Variants in CTNNA2 observed in about 807,000 individuals in gnomAD.
CTNNA2 encodes the protein catenin alpha-2.
CTNNA2 carries 42 observed loss-of-function variants against 101.0 expected under a neutral mutation model. The observed-to-expected ratio is 0.42, with a 90% confidence interval of 0.32 to 0.54. CTNNA2 has a LOEUF of 0.54. Ranked by LOEUF, CTNNA2 falls within the 20% of genes least tolerant of loss-of-function variation. The pLI is 0.14. For synonymous variants in CTNNA2, 450 were observed against 456.4 expected, an observed-to-expected ratio of 0.99 and a Z score of 0.18; for missense variants, 871 against 1,223.1, an observed-to-expected ratio of 0.71 and a Z score of 4.29.
chr2:80,218,336 T>C (rs1708389505), intron 7 of CTNNA2, among the ~76,000 whole-genome samples: 1 of 152,216 alleles, frequency 6.6e-6, no homozygotes, highest in Non-Finnish European at 1.5e-5. Context: ...AGGTGACAGC[T>C]CTTACAGTAC....
intron 9 of CTNNA2, among the ~76,000 whole-genome samples, chr2:80,438,370 A>T (rs1682232431): frequency 6.6e-6 from 1 of 151,842 alleles, no homozygotes; most frequent in African/African-American, 2.4e-5. Flanking sequence ...GGGAGAACAC[A>T]ATTTCACCCA....
rs907103589 is a variant in CTNNA2 at position 79,340,939 on chromosome 2, A to G, written c.-318+28143A>G. Among the ~76,000 whole-genome samples, 6 of 151,718 alleles carry G rather than the reference A, an allele frequency of 4.0e-5. No homozygotes were observed. The East Asian group carries it at 1.2e-3, about 29-fold the overall frequency. On this transcript the variant is annotated intron_variant, in intron 3 of 21. Coordinates refer to the CTNNA2 transcript ENST00000466387. ...TTCTTGATAGTAAAAAAGAAAAATC[A>G]CAATTGCTTAAACATTCAAGAAATA...
At chr2:80,562,311 G>A (rs1693679190) in intron 12 of CTNNA2, among the ~76,000 whole-genome samples, 1 of 152,088 alleles carries the variant, frequency 6.6e-6, no homozygotes, top group Non-Finnish European at 1.5e-5. Flanking sequence ...CAGAAAATAC[G>A]ACCATAACCA....
intron 9 of CTNNA2, among the ~76,000 whole-genome samples, chr2:80,534,378 T>G (rs1397572462): frequency 6.6e-6 from 1 of 152,176 alleles, no homozygotes; most frequent in Non-Finnish European, 1.5e-5. Flanking sequence ...ACAGAAAAGT[T>G]ATACTTCCTC....
chr2:79,373,330 A>T (rs1677914441), intron 3 of CTNNA2, among the ~76,000 whole-genome samples: 1 of 152,212 alleles, frequency 6.6e-6, no homozygotes, highest in African/African-American at 2.4e-5. Context: ...ATGAATAAGT[A>T]AAATATTTTT....
intron 7 of CTNNA2, among the ~76,000 whole-genome samples, chr2:80,003,204 T>G (rs1388905360): frequency 6.6e-6 from 1 of 152,190 alleles, no homozygotes; most frequent in African/African-American, 2.4e-5. Context: ...TGAGGTTTCC[T>G]CTAACCTCTC....
chr2:79,967,610 A>T (rs1330214215), intron 7 of CTNNA2, among the ~76,000 whole-genome samples: 1 of 152,208 alleles, frequency 6.6e-6, no homozygotes, highest in Non-Finnish European at 1.5e-5. Context: ...GATCAACAAG[A>T]TGAGCTAATT....
At chr2:79,493,430 A>C (rs1282101953) in intron 4 of CTNNA2, among the ~76,000 whole-genome samples, 1 of 152,188 alleles carries the variant, frequency 6.6e-6, no homozygotes, top group Non-Finnish European at 1.5e-5. Flanking sequence ...AGCCTGGCCA[A>C]TATGGTGAAA....
At chr2:80,561,478 G>A (rs992611487) in intron 12 of CTNNA2, among the ~76,000 whole-genome samples, 4 of 152,136 alleles carry the variant, frequency 2.6e-5, no homozygotes, top group East Asian at 1.9e-4. Flanking sequence ...GAAAACAAAC[G>A]TTACTTTGCA....
intron 4 of CTNNA2, among the ~76,000 whole-genome samples, chr2:79,410,965 C>G (rs999767775): frequency 6.6e-6 from 1 of 152,080 alleles, no homozygotes; most frequent in Non-Finnish European, 1.5e-5. Flanking sequence ...TTGATTATTG[C>G]CACAATTTCA....
At chr2:79,250,271 G>C (rs1674753705) in intron 2 of CTNNA2, among the ~76,000 whole-genome samples, 1 of 151,772 alleles carries the variant, frequency 6.6e-6, no homozygotes, top group Admixed American at 6.6e-5. Context: ...TAGGTCTACA[G>C]AAACCCTCAA....
At chr2:79,401,682 T>C (rs937431680) in intron 4 of CTNNA2, among the ~76,000 whole-genome samples, 17 of 150,784 alleles carry the variant, frequency 1.1e-4, no homozygotes, top group Non-Finnish European at 2.1e-4. Context: ...CCAGTAATGA[T>C]AAAATCGAAA....
chr2:80,334,286 G>A (rs951830382), intron 7 of CTNNA2, among the ~76,000 whole-genome samples: 1 of 152,082 alleles, frequency 6.6e-6, no homozygotes, highest in East Asian at 1.9e-4. Flanking sequence ...TGTGTATGAT[G>A]AGTCTCACTT....
intron 2 of CTNNA2, among the ~76,000 whole-genome samples, chr2:79,218,491 T>G (rs191981605): frequency 3.1e-4 from 47 of 152,222 alleles, no homozygotes; most frequent in Middle Eastern, 3.4e-3. Context: ...CTTCCTTCAT[T>G]TCTGTAAGTG....
intron 7 of CTNNA2, among the ~76,000 whole-genome samples, chr2:80,389,860 C>A (rs181201918): frequency 1.0e-3 from 159 of 152,172 alleles, no homozygotes; most frequent in South Asian, 4.4e-3. Flanking sequence ...TTGTTTTCAG[C>A]CAAAGACTTT....
intron 3 of CTNNA2, among the ~76,000 whole-genome samples, chr2:79,353,907 T>C (rs1435313934): frequency 6.6e-6 from 1 of 152,202 alleles, no homozygotes; most frequent in East Asian, 1.9e-4. Context: ...CTGAAAATAA[T>C]TTTATTTCTT....
intron 6 of CTNNA2, among the ~76,000 whole-genome samples, chr2:79,902,472 A>G (rs1489024480): frequency 6.6e-6 from 1 of 152,146 alleles, no homozygotes; most frequent in Non-Finnish European, 1.5e-5. Context: ...GATTTTGCAT[A>G]TTAATACAGG....
chr2:79,196,911 G>A (rs752937717), intron 1 of CTNNA2, among the ~76,000 whole-genome samples: 1 of 152,128 alleles, frequency 6.6e-6, no homozygotes, highest in South Asian at 2.1e-4. Flanking sequence ...CATCTCTCAT[G>A]GTTCTGATTT....
At chr2:80,345,306 A>C (rs893559652) in intron 7 of CTNNA2, among the ~76,000 whole-genome samples, 6 of 152,188 alleles carry the variant, frequency 3.9e-5, no homozygotes, top group Admixed American at 1.3e-4. Context: ...TTCCTGCTTC[A>C]GAGCCATTTA....
Sources: gnomAD v4.1 joint callset for allele counts (sites outside exome capture counted in the v4.1 genomes callset) on GRCh38, gnomAD v4.1.1 for gene constraint, MANE v1.5 for transcripts, NCBI Gene and HGNC (gene_info 2026-07-23, HGNC 2026-07-21) for gene names.